Variants in MME observed in about 807,000 individuals in gnomAD.
MME encodes the protein neprilysin.
Under a neutral mutation model 113.2 loss-of-function variants are expected in MME, and 98 were observed. The observed-to-expected ratio is 0.87, with a 90% confidence interval of 0.74 to 1.02. MME has a LOEUF of 1.02. Ranked by LOEUF, MME falls within the 50% of genes least tolerant of loss-of-function variation. The probability of loss-of-function intolerance (pLI) is 0.00; values close to 1 mark genes in which losing one functional copy is unlikely to be tolerated. For synonymous variants in MME, 292 were observed against 300.6 expected, an observed-to-expected ratio of 0.97 and a Z score of 0.30; for missense variants, 836 against 896.0, an observed-to-expected ratio of 0.93 and a Z score of 0.86.
At chr3:155,034,472 C>T (rs1713068195) in intron 1 of MME, among the ~76,000 whole-genome samples, 2 of 152,166 alleles carry the variant, frequency 1.3e-5, no homozygotes, top group Admixed American at 6.5e-5. Flanking sequence ...GTTTTCCTGG[C>T]CTTGTGCAGT....
intron 21 of MME, 108 bp downstream of exon 21, chr3:155,172,320 T>C (rs1712061499): frequency 3.6e-6 from 3 of 840,816 alleles, no homozygotes; most frequent in South Asian, 2.8e-5. Flanking sequence ...AGCATTTGAC[T>C]TGATTCACTT....
At chr3:155,042,942 A>G (rs1343594216) in intron 1 of MME, among the ~76,000 whole-genome samples, 6 of 117,056 alleles carry the variant, frequency 5.1e-5, no homozygotes, top group Admixed American at 1.7e-4. Flanking sequence ...ATATATATGT[A>G]TATATATATA....
chr3:155,162,088 A>G (rs541097222), intron 17 of MME, among the ~76,000 whole-genome samples: 1 of 152,334 alleles, frequency 6.6e-6, no homozygotes, highest in South Asian at 2.1e-4. Context: ...TTAGTGCTGC[A>G]TTAGAGCAGA....
In MME at chr3:155,142,217, C is replaced by T. The variant is rs201833300; in HGVS notation, c.1095-20C>T. The T allele has an allele frequency of 2.6e-5, 42 of 1,611,496 alleles. No individual in the cohort carries two copies. Among genetic ancestry groups the T allele is most frequent in the African/African-American group, 2.1e-4 (16 of 74,798 alleles). On this transcript the variant is annotated intron_variant, in intron 11 of 22. Coordinates refer to ENST00000360490, the MANE Select transcript of MME (RefSeq NM_007289.4). ...CAGCCTCATCTTTTCTGTTGCTGGG[C>T]GGTGGTTTTTTTTATACAGAGATCT...
intron 3 of MME, among the ~76,000 whole-genome samples, chr3:155,101,183 A>G (rs1477799942): frequency 6.6e-6 from 1 of 152,158 alleles, no homozygotes; most frequent in African/African-American, 2.4e-5. Flanking sequence ...CAAAAAGCAG[A>G]TGCTGGTGTT....
Position 155,180,426 on chromosome 3 carries a change from C to G in MME, c.2220C>G (p.Tyr740Ter). ...SEAFHCRKNSYMNPEKKCRVW is the reference protein window; with the variant it reads ...SEAFHCRKNS ...CCTTTCACTGCCGCAAGAATTCATACATGAATCCAGAAAAGAAGTGCCGGG... is the reference window on the plus strand; with the variant it reads ...CCTTTCACTGCCGCAAGAATTCATAGATGAATCCAGAAAAGAAGTGCCGGG... Residue 740 changes from tyrosine to a stop codon, truncating the protein, a stop_gained, in exon 23 of 23, where the codon TAC (tyrosine) becomes TAG (stop). Transcript: ENST00000360490. LOFTEE classifies it high-confidence loss of function. 6.2e-7 allele frequency: 1 copy of G among 1,613,480 alleles called. No homozygotes were observed. Among genetic ancestry groups the G allele is most frequent in the Non-Finnish European group, 8.5e-7 (1 of 1,179,508 alleles).
intron 1 of MME, among the ~76,000 whole-genome samples, chr3:155,066,281 A>G (rs1714377549): frequency 6.6e-6 from 1 of 152,232 alleles, no homozygotes; most frequent in South Asian, 2.1e-4. Flanking sequence ...GTAAAAGGAA[A>G]TAATCACAGA....
chr3:155,134,622 A>C (rs1720476474), intron 8 of MME, among the ~76,000 whole-genome samples: 1 of 152,298 alleles, frequency 6.6e-6, no homozygotes, highest in South Asian at 2.1e-4. Context: ...AGTCTTTGGT[A>C]GAATGACTTA....
rs200455903 is a variant in MME at position 155,160,414 on chromosome 3, C to G, written c.1626C>G (p.Val542=). The G allele has an allele frequency of 3.3e-5, 53 of 1,607,646 alleles. No individual in the cohort carries two copies. In the Admixed American group the frequency reaches 6.2e-4, roughly 19 times the overall value. ...KDEWISGAAV[V]NAFYSSGRNQ... ...GGTGGATAAGTGGAGCAGCTGTAGT[C>G]AATGCATTTTACTCTTCAGGAAGAA... Residue 542 remains valine (V), a synonymous_variant, in exon 17 of 23, where the codon GTC becomes GTG. Coordinates refer to ENST00000360490, the MANE Select transcript of MME (RefSeq NM_007289.4).
chr3:155,098,722 A>G (rs911211245), intron 3 of MME, among the ~76,000 whole-genome samples: 2 of 152,174 alleles, frequency 1.3e-5, no homozygotes, highest in African/African-American at 4.8e-5. Flanking sequence ...TCAGAGGTAC[A>G]ACTGTTCTGG....
chr3:155,117,819 C>T (rs1184916652), intron 7 of MME, among the ~76,000 whole-genome samples: 1 of 152,080 alleles, frequency 6.6e-6, no homozygotes, highest in African/African-American at 2.4e-5. Context: ...GGGGAAGGAT[C>T]AGGGCCCTTC....
At chr3:155,091,990 T>C (rs1380241925) in intron 3 of MME, among the ~76,000 whole-genome samples, 2 of 152,170 alleles carry the variant, frequency 1.3e-5, no homozygotes, top group South Asian at 4.1e-4. Flanking sequence ...AAAGTCTCAG[T>C]ATCCAAAGGC....
intron 22 of MME, among the ~76,000 whole-genome samples, chr3:155,179,657 C>T (rs1348323077): frequency 1.3e-5 from 2 of 152,102 alleles, no homozygotes; most frequent in African/African-American, 2.4e-5. Context: ...GTGAAAACAT[C>T]ACCTCTGCAT....
rs548436699 is a variant in MME, at chr3:155,177,540, A to G, written c.2154-2820A>G. On this transcript the variant is annotated intron_variant, in intron 22 of 22. Coordinates refer to ENST00000360490, the MANE Select transcript of MME (RefSeq NM_007289.4). ...TATAGAAGTGATTTTTTTTTGGCTC[A>G]TGAACAATGGAAATTTGTTTCTCAC... Among the ~76,000 whole-genome samples, 6 of 152,076 alleles carry G rather than the reference A, an allele frequency of 3.9e-5. No individual in the cohort carries two copies. The South Asian group carries it at 6.2e-4, about 16-fold the overall frequency.
chr3:155,025,084 G>A (rs1712736523), intron 1 of MME, among the ~76,000 whole-genome samples: 1 of 152,208 alleles, frequency 6.6e-6, no homozygotes, highest in African/African-American at 2.4e-5. Flanking sequence ...GGCCCCAGGG[G>A]CAGATAATGA....
chr3:155,046,572 C>T (rs942334670), intron 1 of MME, among the ~76,000 whole-genome samples: 4 of 152,102 alleles, frequency 2.6e-5, no homozygotes, highest in African/African-American at 9.7e-5. Context: ...CACCTGTAAT[C>T]CCAGTTACTT....
chr3:155,060,029 A>T (rs1459125320), intron 1 of MME, among the ~76,000 whole-genome samples: 3 of 152,218 alleles, frequency 2.0e-5, no homozygotes, highest in Non-Finnish European at 2.9e-5. Flanking sequence ...AACAGTAACA[A>T]TAAGGGTAGA....
At chr3:155,062,006 A>G (rs1365863947) in intron 1 of MME, among the ~76,000 whole-genome samples, 1 of 152,154 alleles carries the variant, frequency 6.6e-6, no homozygotes, top group Non-Finnish European at 1.5e-5. Context: ...GGTACATATC[A>G]TATTATTTGC....
chr3:155,096,252 G>T (rs1407405495), intron 3 of MME, among the ~76,000 whole-genome samples: 2 of 152,168 alleles, frequency 1.3e-5, no homozygotes, highest in African/African-American at 2.4e-5. Context: ...TTTTAAATAG[G>T]GATGTGTGAC....
Sources: gnomAD v4.1 joint callset for allele counts (sites outside exome capture counted in the v4.1 genomes callset) on GRCh38, gnomAD v4.1.1 for gene constraint, MANE v1.5 for transcripts, NCBI Gene and HGNC (gene_info 2026-07-23, HGNC 2026-07-21) for gene names.